Variants in ZDHHC6 observed in about 807,000 individuals in gnomAD.
ZDHHC6 encodes zDHHC palmitoyltransferase 6, also known as palmitoyltransferase ZDHHC6.
ZDHHC6 carries 32 observed loss-of-function variants against 57.8 expected under a neutral mutation model. The ratio of observed to expected loss-of-function variants is 0.55; its 90% confidence interval spans 0.42 to 0.74. The LOEUF (loss-of-function observed/expected upper bound fraction) is 0.74. Ranked by LOEUF, ZDHHC6 falls within the 30% of genes least tolerant of loss-of-function variation. The probability of loss-of-function intolerance (pLI) is 0.00; values close to 1 mark genes in which losing one functional copy is unlikely to be tolerated. For synonymous variants in ZDHHC6, 128 were observed against 158.0 expected (o/e 0.81, Z 1.42); for missense variants, 433 against 500.7 (o/e 0.86, Z 1.29).
At chr10:112,425,725 G>A (rs1378184323), downstream of ZDHHC6, 3 of 357,730 alleles carry the variant, frequency 8.4e-6, no homozygotes, top group Non-Finnish European at 1.5e-5. Flanking sequence ...ATACTAAAAG[G>A]TAATGATTCA....
At chr10:112,438,516 G>T in intron 5 of ZDHHC6, 127 bp from the exon 6 acceptor site, 1 of 741,598 alleles carries the variant, frequency 1.3e-6, no homozygotes, top group Non-Finnish European at 1.9e-6. Flanking sequence ...GGATAACAGA[G>T]GTTAAGTACC....
Position 112,430,856 on chromosome 10 carries a change from G to A in ZDHHC6, c.1190C>T (p.Pro397Leu), listed in dbSNP as rs1291121223. The A allele has an allele frequency of 1.2e-6, 2 of 1,613,610 alleles. No individual in the cohort carries two copies. The highest frequency in any genetic ancestry group is 3.3e-5 in the Admixed American group (2 of 59,966). Reference protein sequence around the residue: ...WFPRKCVEKCPCDAETDQAPE... With the variant: ...WFPRKCVEKCLCDAETDQAPE... ...GGCTTGATCTGTTTCAGCATCACAGGGACACTTTTCCACACATTTTCTAGG... is the reference window on the plus strand; with the variant it reads ...GGCTTGATCTGTTTCAGCATCACAGAGACACTTTTCCACACATTTTCTAGG... The change falls in exon 11 of 11, where the codon CCC becomes CTC. Residue 397 changes from proline to leucine, a missense_variant. Transcript: ENST00000369405.
chr10:112,442,764 G>A (rs1002796506), intron 3 of ZDHHC6, among the ~76,000 whole-genome samples: 1 of 152,170 alleles, frequency 6.6e-6, no homozygotes, highest in Non-Finnish European at 1.5e-5. Context: ...CTCCAGTGGG[G>A]TTAATGGGCT....
intron 2 of ZDHHC6, among the ~76,000 whole-genome samples, chr10:112,444,470 T>C (rs911919537): frequency 6.6e-6 from 1 of 152,250 alleles, no homozygotes; most frequent in Non-Finnish European, 1.5e-5. Context: ...TCAAATTACA[T>C]CTTACCCTCC....
chr10:112,447,222 C>A, upstream of ZDHHC6: 1 of 695,672 alleles, frequency 1.4e-6, no homozygotes, highest in Non-Finnish European at 2.3e-6. Flanking sequence ...GACGAACAAC[C>A]AGGAAGCGGC....
chr10:112,426,944 T>A (rs1409097965), downstream of ZDHHC6: 5 of 1,197,544 alleles, frequency 4.2e-6, no homozygotes, highest in Non-Finnish European at 4.9e-6. Context: ...AAATGTATAA[T>A]TTCTAAGGAA....
intron 5 of ZDHHC6, among the ~76,000 whole-genome samples, 194 bp downstream of exon 5, chr10:112,440,340 A>G (rs1845985025): frequency 6.6e-6 from 1 of 152,224 alleles, no homozygotes; most frequent in South Asian, 2.1e-4. Flanking sequence ...TAAAAACTAA[A>G]TCAATACCTA....
At chr10:112,428,356 T>A, downstream of ZDHHC6, 1 of 398,436 alleles carries the variant, frequency 2.5e-6, no homozygotes, top group South Asian at 1.3e-4. Flanking sequence ...GTAAAGTCTT[T>A]AAAATAAACT....
intron 9 of ZDHHC6, 33 bp downstream of exon 9, chr10:112,432,343 T>G (rs1845123667): frequency 6.2e-7 from 1 of 1,609,274 alleles, no homozygotes; most frequent in African/African-American, 1.3e-5. Flanking sequence ...ATTTTGTCCT[T>G]GAAGAAGAAA....
At chr10:112,428,310 A>T, downstream of ZDHHC6, 2 of 395,782 alleles carry the variant, frequency 5.1e-6, no homozygotes, top group Non-Finnish European at 8.9e-6. Flanking sequence ...GCTCTACCTT[A>T]CCCACAGATA....
downstream of ZDHHC6, among the ~76,000 whole-genome samples, chr10:112,429,986 G>C (rs914259994): frequency 1.4e-4 from 21 of 148,966 alleles, no homozygotes; most frequent in Admixed American, 1.0e-3. Context: ...GTGTGGGGGG[G>C]GTATTTCCCC....
intron 10 of ZDHHC6, 31 bp downstream of exon 10, chr10:112,432,209 G>A: frequency 6.3e-7 from 1 of 1,577,994 alleles, no homozygotes; most frequent in Non-Finnish European, 8.6e-7. Context: ...TAATAGTCTT[G>A]TCCTTTAAAC....
upstream of ZDHHC6, chr10:112,447,525 GTGGAA>G: frequency 6.3e-7 from 1 of 1,576,150 alleles, no homozygotes; most frequent in Non-Finnish European, 8.6e-7. Context: ...GGTGCGGGCG[GTGGAA>G]CGCCGCCCGA....
In ZDHHC6 at chr10:112,436,644, T is replaced by A. The variant is rs144656683; in HGVS notation, c.735+1692A>T. 2.2e-3 allele frequency among the ~76,000 whole-genome samples: 329 copies of A among 152,346 alleles called. 2 individuals carry two copies. The highest frequency in any genetic ancestry group is 7.5e-3 in the African/African-American group (312 of 41,578). Reference sequence around the variant, plus strand: ...GGCCAAGCTATTTTCATAATAATACTGAAATGTTATTTGTCTTTTTGTTGC... The same window carrying A: ...GGCCAAGCTATTTTCATAATAATACAGAAATGTTATTTGTCTTTTTGTTGC... On this transcript the variant is annotated intron_variant, in intron 6 of 10. Coordinates refer to ENST00000369405, the MANE Select transcript of ZDHHC6 (RefSeq NM_022494.3).
At chr10:112,429,370 A>C (rs1383455419), downstream of ZDHHC6, among the ~76,000 whole-genome samples, 1 of 152,186 alleles carries the variant, frequency 6.6e-6, no homozygotes, top group Non-Finnish European at 1.5e-5. Context: ...TAAAATGCAA[A>C]TATCCCAAAG....
At chr10:112,425,754 A>G (rs139264122), downstream of ZDHHC6, among the ~76,000 whole-genome samples, 49 of 152,324 alleles carry the variant, frequency 3.2e-4, no homozygotes, top group Non-Finnish European at 6.6e-4. Flanking sequence ...TGAGCTCCAC[A>G]TTGCACTTAG....
chr10:112,439,150 T>C (rs1382368828), intron 5 of ZDHHC6, among the ~76,000 whole-genome samples: 3 of 152,080 alleles, frequency 2.0e-5, no homozygotes, highest in African/African-American at 4.8e-5. Flanking sequence ...GATCGTGCCA[T>C]TGCACTCCAG....
At chr10:112,438,050 AG>A (rs1245106492) in intron 6 of ZDHHC6, among the ~76,000 whole-genome samples, 16 of 152,356 alleles carry the variant, frequency 1.1e-4, no homozygotes, top group African/African-American at 3.6e-4. Flanking sequence ...CTAGTCTAAG[AG>A]ACAACAAACA....
chr10:112,430,527 GAA>G lies in ZDHHC6; in HGVS notation c.*275_*276del, dbSNP rs1844924358. 3.3e-6 allele frequency: 1 copy of G among 301,206 alleles called. No individual in the cohort carries two copies. Among genetic ancestry groups the G allele is most frequent in the Non-Finnish European group, 6.2e-6 (1 of 160,414 alleles). The allele number at this position is 301,206 out of a possible 1,614,324, so 18.7% of individuals were successfully genotyped here. A position where few individuals can be genotyped will look rare whatever the true frequency, so the allele number is the denominator to read the frequency against. On this transcript the variant is annotated 3_prime_UTR_variant, in exon 11 of 11. Transcript: ENST00000369405. ...GAGGTCCAGAGTGTGCAGTGCATAA[GAA>G]AATCCTACAGAAAATGCCGTTAACT...
Sources: allele counts gnomAD v4.1 joint callset (sites outside exome capture counted in the v4.1 genomes callset), GRCh38; gene constraint gnomAD v4.1.1; transcripts MANE v1.5; gene names NCBI Gene and HGNC (gene_info 2026-07-23, HGNC 2026-07-21).